GULP1: variants seen among roughly 807,000 people sequenced by gnomAD.
GULP1 encodes the protein GULP PTB domain containing engulfment adaptor 1, also known as PTB domain-containing engulfment adapter protein 1.
GULP1 carries 19 observed loss-of-function variants against 40.9 expected under a neutral mutation model. The observed-to-expected ratio is 0.46, with a 90% CI of 0.32 to 0.68. The LOEUF is 0.68. Ranked by LOEUF, GULP1 falls within the 30% of genes least tolerant of loss-of-function variation. GULP1 has a pLI of 0.03. For synonymous variants in GULP1, 119 were observed against 117.6 expected, an observed-to-expected ratio of 1.01 and a Z score of -0.08; for missense variants, 312 against 362.2, an observed-to-expected ratio of 0.86 and a Z score of 1.12.
intron 2 of GULP1, among the ~76,000 whole-genome samples, chr2:188,422,406 A>G (rs1018200623): frequency 3.4e-5 from 5 of 145,918 alleles, no homozygotes; most frequent in Admixed American, 2.0e-4. Context: ...ACACATATAC[A>G]TATATATATA....
At chr2:188,552,682 A>G (rs1176876869) in intron 7 of GULP1, among the ~76,000 whole-genome samples, 3 of 151,650 alleles carry the variant, frequency 2.0e-5, no homozygotes, top group Non-Finnish European at 3.0e-5. Flanking sequence ...TAGGCATTGC[A>G]TTGAATCTAC....
At chr2:188,359,601 A>C (rs1574704451) in intron 1 of GULP1, among the ~76,000 whole-genome samples, 1 of 152,098 alleles carries the variant, frequency 6.6e-6, no homozygotes, top group Non-Finnish European at 1.5e-5. Context: ...AATTTGCCTC[A>C]GTTTATTGTT....
intron 4 of GULP1, among the ~76,000 whole-genome samples, chr2:188,504,733 A>G (rs2063744309): frequency 6.6e-6 from 1 of 151,920 alleles, no homozygotes. Context: ...TCCAATTGCA[A>G]ATCAAAGTTC....
chr2:188,433,820 C>T (rs368223933), intron 2 of GULP1, among the ~76,000 whole-genome samples: 2 of 151,976 alleles, frequency 1.3e-5, no homozygotes, highest in Non-Finnish European at 2.9e-5. Context: ...AACATGTTCT[C>T]CTTGATTTAA....
intron 11 of GULP1, chr2:188,590,310 G>GTAAAATAGATATT (rs1387578928): frequency 6.6e-6 from 1 of 151,996 alleles, no homozygotes; most frequent in Non-Finnish European, 1.5e-5. Context: ...TACTTGCAAG[G>GTAAAATAGATATT]TCACTTTAAC....
chr2:188,509,357 C>A (rs1025984645), intron 4 of GULP1, among the ~76,000 whole-genome samples: 1 of 152,082 alleles, frequency 6.6e-6, no homozygotes, highest in Non-Finnish European at 1.5e-5. Flanking sequence ...GCCTTCTTTG[C>A]TTTGACCTTC....
At chr2:188,566,715 G>C (rs1697771806) in intron 7 of GULP1, among the ~76,000 whole-genome samples, 1 of 139,142 alleles carries the variant, frequency 7.2e-6, no homozygotes, top group Non-Finnish European at 1.5e-5. Flanking sequence ...AGAATCTCTT[G>C]AACTCGGGAG....
At chr2:188,575,003 A>G (rs1463926312) in intron 9 of GULP1, among the ~76,000 whole-genome samples, 4 of 152,196 alleles carry the variant, frequency 2.6e-5, no homozygotes, top group African/African-American at 9.7e-5. Flanking sequence ...TTTGTCAGTC[A>G]CTTATATGTT....
intron 1 of GULP1, among the ~76,000 whole-genome samples, chr2:188,312,514 A>T (rs1046870879): frequency 6.6e-6 from 1 of 152,146 alleles, no homozygotes; most frequent in Non-Finnish European, 1.5e-5. Flanking sequence ...TCCATGGTGT[A>T]TATGTACCAC....
At chr2:188,380,075 T>C (rs1265424484) in intron 1 of GULP1, among the ~76,000 whole-genome samples, 2 of 152,196 alleles carry the variant, frequency 1.3e-5, no homozygotes, top group East Asian at 1.9e-4. Flanking sequence ...CCAGTGAATA[T>C]TGGTTTAATG....
chr2:188,547,137 A>G (rs1367176813), intron 7 of GULP1, among the ~76,000 whole-genome samples: 2 of 151,976 alleles, frequency 1.3e-5, no homozygotes, highest in South Asian at 2.1e-4. Context: ...AATTAATGCT[A>G]TTCTATACAA....
chr2:188,368,933 ATGTGTG>A (rs1553534363), intron 1 of GULP1, among the ~76,000 whole-genome samples: 4 of 43,342 alleles, frequency 9.2e-5, no homozygotes, highest in Admixed American at 3.7e-4. Flanking sequence ...GTATATATAT[ATGTGTG>A]TATATATATA....
intron 1 of GULP1, among the ~76,000 whole-genome samples, chr2:188,345,111 G>C (rs1005504922): frequency 6.6e-6 from 1 of 152,128 alleles, no homozygotes; most frequent in Non-Finnish European, 1.5e-5. Context: ...TGCTAACTAA[G>C]TGTGGTTTTG....
chr2:188,383,900 A>G lies in GULP1; in HGVS notation c.-45+11A>G, dbSNP rs1410740946. 6.6e-6 allele frequency: 1 copy of G among 152,186 alleles called. No homozygotes were observed. Among genetic ancestry groups the G allele is most frequent in the East Asian group, 1.9e-4 (1 of 5,200 alleles). The allele number at this position is 152,186 out of a possible 1,614,324, so 9.4% of individuals were successfully genotyped here. Reference sequence around the variant, plus strand: ...TTTGAGCATACCCAGGTAAGAATAAATGATTGTTTATACATTTTCCATTAT... The same window carrying G: ...TTTGAGCATACCCAGGTAAGAATAAGTGATTGTTTATACATTTTCCATTAT... On this transcript the variant is annotated intron_variant, in intron 2 of 11. Coordinates refer to ENST00000409830, the MANE Select transcript of GULP1 (RefSeq NM_016315.4).
intron 1 of GULP1, among the ~76,000 whole-genome samples, chr2:188,374,603 T>A (rs2152459314): frequency 6.6e-6 from 1 of 152,252 alleles, no homozygotes; most frequent in Admixed American, 6.5e-5. Flanking sequence ...TGTAGTTTTT[T>A]AAAAAGGGTG....
At chr2:188,511,572 G>A (rs755482972) in intron 4 of GULP1, among the ~76,000 whole-genome samples, 2 of 152,116 alleles carry the variant, frequency 1.3e-5, no homozygotes, top group Non-Finnish European at 2.9e-5. Flanking sequence ...ACAAAAACTC[G>A]CTGCTTCTTA....
intron 2 of GULP1, among the ~76,000 whole-genome samples, chr2:188,403,415 T>C (rs915311547): frequency 1.3e-5 from 2 of 152,174 alleles, no homozygotes; most frequent in Non-Finnish European, 2.9e-5. Context: ...AAATGCAGGA[T>C]AATGAAGTGA....
At chr2:188,357,710 AAAG>A (rs1307253065) in intron 1 of GULP1, among the ~76,000 whole-genome samples, 16 of 152,256 alleles carry the variant, frequency 1.1e-4, no homozygotes, top group Admixed American at 9.8e-4. Context: ...TATCTAAAGG[AAAG>A]AAGATCAGTA....
chr2:188,523,899 G>A (rs1421605745), intron 5 of GULP1, among the ~76,000 whole-genome samples: 19 of 152,034 alleles, frequency 1.2e-4, no homozygotes, highest in Admixed American at 9.8e-4. Flanking sequence ...TAAAATCTCC[G>A]AAGATAATAT....
Sources: gnomAD v4.1 joint callset for allele counts (sites outside exome capture counted in the v4.1 genomes callset) on GRCh38, gnomAD v4.1.1 for gene constraint, MANE v1.5 for transcripts, NCBI Gene and HGNC (gene_info 2026-07-23, HGNC 2026-07-21) for gene names.